The following PPFIBP2 variants were observed in gnomAD, a reference collection of about 807,000 sequenced individuals.
PPFIBP2 encodes liprin-beta-2.
A neutral mutation model predicts 118.3 loss-of-function variants in PPFIBP2; 118 were observed. The observed-to-expected ratio is 1.00, with a 90% CI of 0.86 to 1.16. PPFIBP2 has a LOEUF of 1.16. Among genes scored for constraint, PPFIBP2 ranks in the 50% most tolerant of loss-of-function variants. PPFIBP2 has a pLI of 0.00. For synonymous variants in PPFIBP2, 414 were observed against 397.4 expected, an observed-to-expected ratio of 1.04 and a Z score of -0.50; for missense variants, 1,195 against 1,073.1, an observed-to-expected ratio of 1.11 and a Z score of -1.59.
chr11:7,517,846 C>T (rs1482802916), intron 1 of PPFIBP2, among the ~76,000 whole-genome samples: 7 of 152,172 alleles, frequency 4.6e-5, no homozygotes, highest in East Asian at 1.9e-4. Context: ...AAATGAGATC[C>T]GAGTAGGAGG....
chr11:7,553,754 A>C (rs534845426), intron 2 of PPFIBP2, among the ~76,000 whole-genome samples: 1 of 152,114 alleles, frequency 6.6e-6, no homozygotes, highest in African/African-American at 2.4e-5. Flanking sequence ...TGTTTTATTG[A>C]TATTAGTATT....
chr11:7,635,208 C>T (rs1851297613), intron 13 of PPFIBP2, among the ~76,000 whole-genome samples: 1 of 152,158 alleles, frequency 6.6e-6, no homozygotes, highest in South Asian at 2.1e-4. Context: ...TGCATACCAT[C>T]CCTTGGTCTC....
At position 7,576,964 on chromosome 11, in the gene PPFIBP2, A is replaced by G. The variant is rs539768151; in HGVS notation, c.279+11197A>G. On this transcript the variant is annotated intron_variant, in intron 3 of 23. Transcript: ENST00000299492. ...GTCAGGCTGTGTGTGGGAACCAGTGAGCTCCTCCAAGAGCAGCACTTATTT... is the reference window on the plus strand; with the variant it reads ...GTCAGGCTGTGTGTGGGAACCAGTGGGCTCCTCCAAGAGCAGCACTTATTT... 1.4e-3 allele frequency: 210 copies of G among 152,480 alleles called. 8 individuals are homozygous for G. The South Asian group carries it at 0.041, about 30-fold the overall frequency. The allele number at this position is 152,480 out of a possible 1,614,324, so 9.4% of individuals were successfully genotyped here.
At chr11:7,627,990 A>G (rs1478496270) in intron 8 of PPFIBP2, among the ~76,000 whole-genome samples, 2 of 152,098 alleles carry the variant, frequency 1.3e-5, no homozygotes, top group Admixed American at 1.3e-4. Flanking sequence ...TTCTTAGGAG[A>G]TGTTGGTTTT....
At position 7,650,952 on chromosome 11, in the gene PPFIBP2, A is replaced by G. The variant is rs772764773; in HGVS notation, c.2234A>G (p.His745Arg). Reference sequence around the variant, plus strand: ...CCCAATCTTCGAGGGAGTGGAGTCCATGGAGGCCTCATTGTGAGTGGCTCT... The same window carrying G: ...CCCAATCTTCGAGGGAGTGGAGTCCGTGGAGGCCTCATTGTGAGTGGCTCT... ...YAPNLRGSGVHGGLIILEPRF... is the reference protein window; with the variant it reads ...YAPNLRGSGVRGGLIILEPRF... Residue 745 changes from histidine (H) to arginine (R), a missense_variant, in exon 22 of 24, where the codon CAT (histidine) becomes CGT (arginine). By Grantham distance (29) the His-to-Arg change is conservative. Transcript: ENST00000299492. 3.1e-6 allele frequency: 5 copies of G among 1,613,520 alleles called. No homozygotes were observed. The highest frequency in any genetic ancestry group is 4.2e-6 in the Non-Finnish European group (5 of 1,179,670).
intron 17 of PPFIBP2, among the ~76,000 whole-genome samples, chr11:7,647,861 C>G (rs1298041032): frequency 2.6e-5 from 4 of 152,134 alleles, no homozygotes; most frequent in Admixed American, 6.5e-5. Context: ...CTTTTATTGA[C>G]TTTAATGTGA....
At chr11:7,559,703 A>G (rs1301178372) in intron 2 of PPFIBP2, among the ~76,000 whole-genome samples, 1 of 152,112 alleles carries the variant, frequency 6.6e-6, no homozygotes, top group Non-Finnish European at 1.5e-5. Context: ...GAAATAGGCA[A>G]TACTTTGGGG....
rs140925780 is a variant in PPFIBP2 at position 7,548,172 on chromosome 11, GC to G, written c.-36-1267del. The stretch of plus-strand genomic sequence containing the variant: ...CAGAGATCACACAGTACATAGCAGA[GC>G]TGGGTCTGAACTCAAGCTATCTGAC... On this transcript the variant is annotated intron_variant, in intron 1 of 23. Transcript: ENST00000299492. 8.9e-3 allele frequency among the ~76,000 whole-genome samples: 1,352 copies of G among 152,322 alleles called. 19 individuals carry two copies. The highest frequency in any genetic ancestry group is 0.031 in the African/African-American group (1,281 of 41,556).
At chr11:7,566,765 T>C (rs1465412037) in intron 3 of PPFIBP2, among the ~76,000 whole-genome samples, 2 of 152,232 alleles carry the variant, frequency 1.3e-5, no homozygotes, top group Non-Finnish European at 2.9e-5. Flanking sequence ...GAAATTTCCT[T>C]ACATGTATAT....
chr11:7,643,736 T>C (rs78822144), intron 17 of PPFIBP2, among the ~76,000 whole-genome samples: 3,523 of 152,362 alleles, frequency 0.023, 56 homozygotes, highest in Non-Finnish European at 0.038. Context: ...TTTAAAACTG[T>C]TGTTGCTAGT....
At chr11:7,573,715 C>T (rs1005909477) in intron 3 of PPFIBP2, among the ~76,000 whole-genome samples, 12 of 152,232 alleles carry the variant, frequency 7.9e-5, no homozygotes, top group Admixed American at 6.5e-4. Flanking sequence ...GCCTCCCCTT[C>T]TCAGCGGGCC....
intron 14 of PPFIBP2, among the ~76,000 whole-genome samples, chr11:7,639,261 C>T (rs1851822750): frequency 6.6e-6 from 1 of 152,108 alleles, no homozygotes; most frequent in Non-Finnish European, 1.5e-5. Flanking sequence ...ACAGAGGAGC[C>T]CAGACCAGAC....
At chr11:7,628,460 TAGGG>T in intron 9 of PPFIBP2, 114 bp downstream of exon 9, 23 of 975,210 alleles carry the variant, frequency 2.4e-5, no homozygotes, top group Non-Finnish European at 3.2e-5. Context: ...GCCATTGACA[TAGGG>T]ATATGTCAGG....
intron 3 of PPFIBP2, among the ~76,000 whole-genome samples, chr11:7,578,922 T>G (rs1856844009): frequency 6.6e-6 from 1 of 151,962 alleles, no homozygotes; most frequent in Admixed American, 6.6e-5. Context: ...AGCACAGTGA[T>G]GGCAGACAGA....
chr11:7,633,258 C>T (rs1851016308), intron 12 of PPFIBP2, among the ~76,000 whole-genome samples: 1 of 152,194 alleles, frequency 6.6e-6, no homozygotes, highest in South Asian at 2.1e-4. Flanking sequence ...ATGTGTGTTC[C>T]TTTTGTCAGC....
rs546641195 is a variant in PPFIBP2, at chr11:7,623,846, A to G, written c.712-1931A>G. ...TGTAGAAATGGAGGTTGAGAGTCCC[A>G]AAGCTAATATCTTCAGAAGCCATTG... On this transcript the variant is annotated intron_variant, in intron 7 of 23. Transcript: ENST00000299492. 1.7e-3 allele frequency among the ~76,000 whole-genome samples: 264 copies of G among 152,330 alleles called. 2 individuals are homozygous for G. The highest frequency in any genetic ancestry group is 3.4e-3 in the Middle Eastern group (1 of 294).
chr11:7,647,465 A>G (rs558996884), intron 17 of PPFIBP2, among the ~76,000 whole-genome samples: 8 of 152,106 alleles, frequency 5.3e-5, no homozygotes, highest in South Asian at 2.1e-4. Context: ...GCTGCAGTCA[A>G]TACCTCTCCC....
At chr11:7,608,379 G>A (rs1228031428) in intron 5 of PPFIBP2, among the ~76,000 whole-genome samples, 3 of 152,106 alleles carry the variant, frequency 2.0e-5, no homozygotes, top group Admixed American at 6.5e-5. Context: ...GGTGGTTGAC[G>A]CCTATAATCC....
intron 3 of PPFIBP2, among the ~76,000 whole-genome samples, chr11:7,589,321 C>T (rs1319575685): frequency 6.6e-6 from 1 of 152,104 alleles, no homozygotes; most frequent in Non-Finnish European, 1.5e-5. Flanking sequence ...AGGCCAGGCA[C>T]GGTGGCTCAT....
Sources: gnomAD v4.1 joint callset for allele counts (sites outside exome capture counted in the v4.1 genomes callset) on GRCh38, gnomAD v4.1.1 for gene constraint, MANE v1.5 for transcripts, NCBI Gene and HGNC (gene_info 2026-07-23, HGNC 2026-07-21) for gene names.